Variants in ZMYND11 observed in about 807,000 individuals in gnomAD.
ZMYND11 encodes the protein zinc finger MYND-type containing 11.
Under a neutral mutation model 84.9 loss-of-function variants are expected in ZMYND11, and 9 were observed. The ratio of observed to expected loss-of-function variants is 0.11; its 90% CI spans 0.06 to 0.18. ZMYND11 has a LOEUF of 0.18. Ranked by LOEUF, ZMYND11 falls within the 10% of genes least tolerant of loss-of-function variation. The pLI is 1.00. For missense variants in ZMYND11, 409 were observed against 761.0 expected (o/e 0.54, Z 5.44); for synonymous variants, 250 against 244.1 (o/e 1.02, Z -0.23).
intron 2 of ZMYND11, among the ~76,000 whole-genome samples, chr10:198,408 T>G (rs1942315181): frequency 6.6e-6 from 1 of 152,150 alleles, no homozygotes; most frequent in African/African-American, 2.4e-5. Flanking sequence ...TATAATACCT[T>G]TACTGTTAAC....
intron 10 of ZMYND11, chr10:244,543 T>G (rs1951725375): frequency 6.6e-6 from 1 of 152,292 alleles, no homozygotes; most frequent in African/African-American, 2.4e-5. Flanking sequence ...TTAAGGAGGC[T>G]AGATCTTTCT....
intron 3 of ZMYND11, among the ~76,000 whole-genome samples, chr10:214,644 C>CATTCAATGTTTTGTT (rs1945844286): frequency 1.3e-5 from 2 of 152,184 alleles, no homozygotes; most frequent in South Asian, 4.1e-4. Flanking sequence ...GATATCTGGT[C>CATTCAATGTTTTGTT]ATTCAATGTT....
chr10:244,266 T>TG (rs1458300953), intron 10 of ZMYND11, among the ~76,000 whole-genome samples: 1 of 152,226 alleles, frequency 6.6e-6, no homozygotes, highest in Non-Finnish European at 1.5e-5. Context: ...CAGGAGCCAC[T>TG]GGTTGCAAGT....
intron 12 of ZMYND11, among the ~76,000 whole-genome samples, 177 bp downstream of exon 12, chr10:247,643 C>T (rs1020188794): frequency 6.6e-6 from 1 of 152,218 alleles, no homozygotes; most frequent in African/African-American, 2.4e-5. Context: ...ACTTCCCTGT[C>T]ATTATCTGTT....
rs1845023246 is a variant in ZMYND11 at position 170,427 on chromosome 10, TGTGC to T, written c.-19-9563_-19-9560del. Among the ~76,000 whole-genome samples, 3 of 36,998 alleles carry T rather than the reference TGTGC, an allele frequency of 8.1e-5. No homozygotes were observed. In the South Asian group the frequency reaches 2.9e-3, roughly 36 times the overall value. 24.3% of individuals were successfully genotyped at this position (36,998 alleles called of 152,430 possible). ...AATAGTAACTGTGTATTTGATTATG[TGTGC>T]GTGTGTGTGTGTGTGTGTGTGTGTG... On this transcript the variant is annotated intron_variant, in intron 1 of 14. Coordinates refer to ENST00000381604, the MANE Select transcript of ZMYND11 (RefSeq NM_001370100.5).
intron 1 of ZMYND11, among the ~76,000 whole-genome samples, chr10:170,444 G>GTT: frequency 7.2e-6 from 1 of 139,272 alleles, no homozygotes; most frequent in East Asian, 2.2e-4. Context: ...GTGTGTGTGT[G>GTT]TGTGTGTGTG....
chr10:181,293 C>T (rs1235024776), intron 2 of ZMYND11, among the ~76,000 whole-genome samples: 1 of 152,060 alleles, frequency 6.6e-6, no homozygotes, highest in African/African-American at 2.4e-5. Flanking sequence ...GTATTTTTGT[C>T]CTTTCCCTGT....
At chr10:188,605 AAAAAAT>A (rs1356242597) in intron 2 of ZMYND11, among the ~76,000 whole-genome samples, 1 of 149,892 alleles carries the variant, frequency 6.7e-6, no homozygotes, top group Non-Finnish European at 1.5e-5. Context: ...AAAAAAAAAA[AAAAAAT>A]TTCCCAGTAT....
intron 2 of ZMYND11, among the ~76,000 whole-genome samples, chr10:195,484 T>C (rs1464724475): frequency 6.6e-6 from 1 of 152,238 alleles, no homozygotes; most frequent in Admixed American, 6.5e-5. Context: ...CAGACTATTA[T>C]ACTACAGTAA....
intron 1 of ZMYND11, among the ~76,000 whole-genome samples, chr10:143,331 A>G (rs1186932833): frequency 6.6e-6 from 1 of 152,006 alleles, no homozygotes; most frequent in Non-Finnish European, 1.5e-5. Context: ...AACTTTTGAA[A>G]GCTATTATGA....
intron 2 of ZMYND11, among the ~76,000 whole-genome samples, chr10:207,786 G>A (rs1033553074): frequency 2.0e-5 from 3 of 152,022 alleles, no homozygotes; most frequent in Non-Finnish European, 4.4e-5. Context: ...CACAGAATTG[G>A]AAAAAACTAC....
At chr10:158,943 A>G (rs1449350702) in intron 1 of ZMYND11, among the ~76,000 whole-genome samples, 1 of 146,114 alleles carries the variant, frequency 6.8e-6, no homozygotes, top group Admixed American at 6.8e-5. Context: ...TTTATTCCAA[A>G]TAGAACTTCT....
chr10:152,427 T>G (rs1840611147), intron 1 of ZMYND11, among the ~76,000 whole-genome samples: 1 of 152,094 alleles, frequency 6.6e-6, no homozygotes, highest in Admixed American at 6.5e-5. Flanking sequence ...TAGTCTCTGA[T>G]AAAACAGACC....
chr10:226,443 T>G (rs2436028), intron 4 of ZMYND11, among the ~76,000 whole-genome samples: 1 of 152,112 alleles, frequency 6.6e-6, no homozygotes, highest in East Asian at 1.9e-4. Context: ...GGTTTGAAAG[T>G]AGGCCCCTAT....
rs1354384364 is a variant in ZMYND11, at chr10:252,231, C to T, written c.1687-117C>T. The T allele has an allele frequency of 7.7e-6, 10 of 1,298,576 alleles. No homozygotes were observed. The highest frequency in any genetic ancestry group is 1.1e-5 in the Non-Finnish European group (10 of 941,466). The allele number at this position is 1,298,576 out of a possible 1,614,324, so 80.4% of individuals were successfully genotyped here. ...GTGCATAAAACGTATTCAGATTCCA[C>T]AAAAGGTTGAGCCAGAAAGATCTTT... On this transcript the variant is annotated intron_variant, in intron 14 of 14. Transcript: ENST00000381604. This position sits in a 1 kb window ranked among gnomAD's most constrained non-coding sequence, Gnocchi z 4.6.
Position 175,013 on chromosome 10 carries a change from A to G in ZMYND11, c.-19-4981A>G, listed in dbSNP as rs148200944. Among the ~76,000 whole-genome samples, 213 of 152,348 alleles carry G rather than the reference A, an allele frequency of 1.4e-3. 2 individuals carry two copies. The highest frequency in any genetic ancestry group is 5.0e-3 in the African/African-American group (206 of 41,570). On this transcript the variant is annotated intron_variant, in intron 1 of 14. Transcript: ENST00000381604. Reference sequence around the variant, plus strand: ...ACGTTGGTCAGAACCCATGGGCACTACAGTGGCACATGCTTGTCATTCATA... The same window carrying G: ...ACGTTGGTCAGAACCCATGGGCACTGCAGTGGCACATGCTTGTCATTCATA...
At chr10:240,188 ATTTT>A (rs1950634696) in intron 8 of ZMYND11, 77 bp downstream of exon 8, 1 of 1,248,716 alleles carries the variant, frequency 8.0e-7, no homozygotes, top group Non-Finnish European at 1.1e-6. Context: ...TCTTATCTAC[ATTTT>A]AGTTGTGCCA....
intron 2 of ZMYND11, among the ~76,000 whole-genome samples, chr10:191,996 C>A (rs976021748): frequency 6.6e-6 from 1 of 152,194 alleles, no homozygotes; most frequent in Non-Finnish European, 1.5e-5. Flanking sequence ...ACCCTCAAAA[C>A]AACAGCATGG....
intron 2 of ZMYND11, among the ~76,000 whole-genome samples, chr10:206,490 T>C (rs1226884967): frequency 6.6e-6 from 1 of 152,248 alleles, no homozygotes; most frequent in African/African-American, 2.4e-5. Flanking sequence ...TATATTTCTG[T>C]CAGTATTTCT....
Sources: gnomAD v4.1 joint callset for allele counts (sites outside exome capture counted in the v4.1 genomes callset) on GRCh38, gnomAD v4.1.1 for gene constraint, Gnocchi (gnomAD v3.1) non-coding constraint, MANE v1.5 for transcripts, NCBI Gene and HGNC (gene_info 2026-07-23, HGNC 2026-07-21) for gene names.